CDK17: variants seen among roughly 807,000 people sequenced by gnomAD.
The protein encoded by CDK17 is cyclin dependent kinase 17, also known as cyclin-dependent kinase 17.
CDK17 carries 24 observed loss-of-function variants against 77.6 expected under a neutral mutation model. That is an observed-to-expected ratio of 0.31 (90% CI 0.22 to 0.44). CDK17 has a LOEUF of 0.44. Ranked by LOEUF, CDK17 falls within the 20% of genes least tolerant of loss-of-function variation. The pLI is 1.00. For missense variants in CDK17, 429 were observed against 622.5 expected, an observed-to-expected ratio of 0.69 and a Z score of 3.31; for synonymous variants, 203 against 210.4, an observed-to-expected ratio of 0.96 and a Z score of 0.30.
intron 5 of CDK17, among the ~76,000 whole-genome samples, chr12:96,308,657 G>T (rs1952607547): frequency 7.1e-6 from 1 of 141,812 alleles, no homozygotes; most frequent in Non-Finnish European, 1.6e-5. Flanking sequence ...TGAACCCGGG[G>T]AGGCAGACTG....
intron 5 of CDK17, among the ~76,000 whole-genome samples, chr12:96,304,077 T>A (rs1354614271): frequency 6.6e-6 from 1 of 152,188 alleles, no homozygotes; most frequent in Non-Finnish European, 1.5e-5. Context: ...GCAGTCTCTA[T>A]CTCTTGCTCT....
rs376992444 is a variant in CDK17 at position 96,323,983 on chromosome 12, G to C, written c.248C>G (p.Ser83Cys). 1 of 1,602,668 alleles carries C rather than the reference G, an allele frequency of 6.2e-7. No individual in the cohort carries two copies. The highest frequency in any genetic ancestry group is 2.2e-5 in the East Asian group (1 of 44,664). ...TCCATTTCTGGGCATTGCCATGAAG[G>C]AGCCAAGGCTCCCTCCAATAACACT... ...PHSVIGGSLG[S>C]FMAMPRNGSR... The change falls in exon 3 of 17, where the codon TCC becomes TGC. Residue 83 changes from serine to cysteine, a missense_variant. Ser to Cys is a moderately radical substitution (Grantham distance 112). Transcript: ENST00000261211.
chr12:96,343,630 A>G (rs1165583179), intron 1 of CDK17, among the ~76,000 whole-genome samples: 2 of 152,244 alleles, frequency 1.3e-5, no homozygotes, highest in Non-Finnish European at 2.9e-5. Flanking sequence ...CTACAGAGAT[A>G]ATGTAATAGA....
At position 96,298,840 on chromosome 12, in the gene CDK17, T is replaced by C. The variant is rs780926417; in HGVS notation, c.715+29A>G. ...ATAGACACTTATTCCACCACTTTGA[T>C]TTTAAAATGTTCTGTATAATTATTA... On this transcript the variant is annotated intron_variant, in intron 7 of 16. Transcript: ENST00000261211. The C allele has an allele frequency of 1.9e-5, 23 of 1,215,746 alleles. 1 individual carries two copies. The highest frequency in any genetic ancestry group is 2.7e-5 in the Non-Finnish European group (23 of 841,144). 75.3% of individuals were successfully genotyped at this position (1,215,746 alleles called of 1,614,324 possible).
chr12:96,295,695 C>T (rs181664120), intron 9 of CDK17, among the ~76,000 whole-genome samples: 304 of 152,300 alleles, frequency 2.0e-3, no homozygotes, highest in African/African-American at 6.9e-3. Flanking sequence ...GCTTCTATCA[C>T]CCATCTCTTG....
chr12:96,347,914 A>G lies in CDK17; in HGVS notation c.-29-13049T>C, dbSNP rs941049154. The stretch of plus-strand genomic sequence containing the variant: ...AGAAGGAAAACCGGAAAATTTGTGC[A>G]TATGTGGAAATTAAGCAACATATTC... On this transcript the variant is annotated intron_variant, in intron 1 of 16. Coordinates refer to ENST00000261211, the MANE Select transcript of CDK17 (RefSeq NM_002595.5). Among the ~76,000 whole-genome samples the G allele has an allele frequency of 2.6e-4, 39 of 152,338 alleles. 1 individual carries two copies. Among genetic ancestry groups the G allele is most frequent in the African/African-American group, 8.9e-4 (37 of 41,588 alleles).
intron 1 of CDK17, among the ~76,000 whole-genome samples, chr12:96,370,901 T>C (rs988043407): frequency 1.3e-5 from 2 of 152,162 alleles, no homozygotes; most frequent in African/African-American, 4.8e-5. Context: ...TTCTGAAACG[T>C]TTAAGAGTAT....
chr12:96,374,565 C>A (rs570217299), intron 1 of CDK17, among the ~76,000 whole-genome samples: 55 of 152,226 alleles, frequency 3.6e-4, no homozygotes, highest in Non-Finnish European at 6.9e-4. Context: ...TTAACCCCTT[C>A]CCCTTCATCC....
At chr12:96,303,100 C>G (rs999660620) in intron 5 of CDK17, 1 of 151,980 alleles carries the variant, frequency 6.6e-6, no homozygotes, top group Non-Finnish European at 1.5e-5. Context: ...CTGAACACAA[C>G]AAGATTAACA....
intron 3 of CDK17, among the ~76,000 whole-genome samples, chr12:96,322,473 T>C (rs183739460): frequency 6.6e-6 from 1 of 150,748 alleles, no homozygotes. Flanking sequence ...CTAAAATATT[T>C]ATTACTAACT....
At chr12:96,337,364 G>C (rs1047828267) in intron 1 of CDK17, among the ~76,000 whole-genome samples, 1 of 152,126 alleles carries the variant, frequency 6.6e-6, no homozygotes, top group Non-Finnish European at 1.5e-5. Context: ...AACCAGCACA[G>C]AGTGTGTCTG....
intron 4 of CDK17, among the ~76,000 whole-genome samples, chr12:96,311,917 T>C (rs1310966194): frequency 2.0e-5 from 3 of 152,008 alleles, no homozygotes; most frequent in Non-Finnish European, 4.4e-5. Flanking sequence ...CAAAATAAAA[T>C]GCCTAAAATG....
chr12:96,300,385 T>C, intron 5 of CDK17, 25 bp from the exon 6 acceptor site: 2 of 1,373,148 alleles, frequency 1.5e-6, no homozygotes, highest in Non-Finnish European at 2.0e-6. Flanking sequence ...ATGAAAAATG[T>C]AGTATTTACT....
At position 96,283,985 on chromosome 12, in the gene CDK17, G is replaced by T. The variant is rs373057760; in HGVS notation, c.1323-340C>A. Among the ~76,000 whole-genome samples, 11 of 152,122 alleles carry T rather than the reference G, an allele frequency of 7.2e-5. No individual in the cohort carries two copies. The East Asian group carries it at 1.3e-3, about 19-fold the overall frequency. On this transcript the variant is annotated intron_variant, in intron 13 of 16. Coordinates refer to ENST00000261211, the MANE Select transcript of CDK17 (RefSeq NM_002595.5). ...CACTTTTCGCAGTCTTTCACTAAAC[G>T]CAAGTATATAAGAGCATCATTTTCC...
rs984717434 is a variant in CDK17, at chr12:96,400,318, C to T, written c.-362G>A. 1 of 388,626 alleles carries T rather than the reference C, an allele frequency of 2.6e-6. No homozygotes were observed. Among genetic ancestry groups the T allele is most frequent in the Non-Finnish European group, 4.6e-6 (1 of 219,708 alleles). The allele number at this position is 388,626 out of a possible 1,614,324, so 24.1% of individuals were successfully genotyped here. On this transcript the variant is annotated 5_prime_UTR_variant, in exon 1 of 17. Coordinates refer to ENST00000261211, the MANE Select transcript of CDK17 (RefSeq NM_002595.5). ...GGCGCCGACGGCGGGCTGAGACTGT[C>T]TGGCCGGGCGCTGGCTCCTTCTCCG...
chr12:96,360,646 G>A (rs1319795232), intron 1 of CDK17, among the ~76,000 whole-genome samples: 1 of 152,116 alleles, frequency 6.6e-6, no homozygotes, highest in African/African-American at 2.4e-5. Context: ...ATCAGCACTG[G>A]CCTCAAGATG....
intron 3 of CDK17, among the ~76,000 whole-genome samples, chr12:96,320,492 A>G (rs1332757437): frequency 1.4e-5 from 2 of 147,762 alleles, no homozygotes; most frequent in East Asian, 2.0e-4. Context: ...AAGAGCCCGC[A>G]TCGCCAAGTC....
intron 1 of CDK17, among the ~76,000 whole-genome samples, chr12:96,343,008 T>A (rs1398854524): frequency 6.6e-6 from 1 of 152,202 alleles, no homozygotes; most frequent in Non-Finnish European, 1.5e-5. Flanking sequence ...TGAGGCTGAT[T>A]CTTTTCTTTT....
intron 1 of CDK17, among the ~76,000 whole-genome samples, chr12:96,393,745 A>AAC (rs148372281): frequency 2.6e-5 from 4 of 151,872 alleles, no homozygotes; most frequent in Non-Finnish European, 4.4e-5. Context: ...AACAAACACA[A>AAC]ACACACACAC....
Sources: gnomAD v4.1 joint callset for allele counts (sites outside exome capture counted in the v4.1 genomes callset) on GRCh38, gnomAD v4.1.1 for gene constraint, MANE v1.5 for transcripts, NCBI Gene and HGNC (gene_info 2026-07-23, HGNC 2026-07-21) for gene names.